HCN1: variants seen among roughly 807,000 people sequenced by gnomAD.
The protein encoded by HCN1 is hyperpolarization activated cyclic nucleotide gated potassium channel 1, also known as potassium/sodium hyperpolarization-activated cyclic nucleotide-gated channel 1.
A neutral mutation model predicts 78.9 loss-of-function variants in HCN1; 13 were observed. That is an observed-to-expected ratio of 0.16 (90% CI 0.11 to 0.26). The LOEUF is 0.26. Among genes scored for constraint, HCN1 ranks in the 10% least tolerant of loss-of-function variants. HCN1 has a pLI of 1.00. For synonymous variants in HCN1, 552 were observed against 455.5 expected (o/e 1.21, Z -2.70); for missense variants, 810 against 1,154.3 (o/e 0.70, Z 4.32).
At chr5:45,482,323 C>T (rs1741671635) in intron 2 of HCN1, among the ~76,000 whole-genome samples, 1 of 152,140 alleles carries the variant, frequency 6.6e-6, no homozygotes, top group Non-Finnish European at 1.5e-5. Context: ...ATCCACCTGT[C>T]CAATTCTTTC....
intron 1 of HCN1, among the ~76,000 whole-genome samples, chr5:45,659,508 G>A (rs1745871771): frequency 1.6e-5 from 2 of 122,134 alleles, no homozygotes; most frequent in South Asian, 2.7e-4. Flanking sequence ...ATTACTCTGA[G>A]CTACGGGAGG....
chr5:45,368,274 T>C (rs979957437), intron 4 of HCN1, among the ~76,000 whole-genome samples: 1 of 152,050 alleles, frequency 6.6e-6, no homozygotes, highest in African/African-American at 2.4e-5. Flanking sequence ...TGCTGAATGA[T>C]CTTAAGGAGA....
At chr5:45,418,403 TGA>T (rs1740161087) in intron 3 of HCN1, among the ~76,000 whole-genome samples, 1 of 149,676 alleles carries the variant, frequency 6.7e-6, no homozygotes. Flanking sequence ...TTAGCTCAGA[TGA>T]GCTCTGTGAT....
intron 1 of HCN1, among the ~76,000 whole-genome samples, chr5:45,661,292 C>T (rs1260673077): frequency 4.0e-5 from 5 of 124,818 alleles, no homozygotes; most frequent in African/African-American, 9.2e-5. Context: ...ATCTCTGGGA[C>T]GCATTCAAAG....
intron 2 of HCN1, among the ~76,000 whole-genome samples, chr5:45,475,641 C>A (rs968021501): frequency 6.6e-6 from 1 of 152,080 alleles, no homozygotes; most frequent in Non-Finnish European, 1.5e-5. Context: ...TGGGCTTTCA[C>A]CCAGCATTTA....
chr5:45,291,296 A>G (rs1323691156), intron 6 of HCN1, among the ~76,000 whole-genome samples: 1 of 151,968 alleles, frequency 6.6e-6, no homozygotes, highest in South Asian at 2.1e-4. Context: ...TTCTTGGTCT[A>G]TCACTAAGAT....
rs188586020 is a variant in HCN1, at chr5:45,267,085, G to C, written c.1783+4C>G. ...TATATAAAGAAGGTAGAAAACTAGA[G>C]TACCTATTCGATCTAGTCGGTCAAT... On this transcript the variant is annotated splice_donor_region_variant and intron_variant, in intron 7 of 7. Coordinates refer to ENST00000303230, the MANE Select transcript of HCN1 (RefSeq NM_021072.4). 6.2e-7 allele frequency: 1 copy of C among 1,606,664 alleles called. No homozygotes were observed. The highest frequency in any genetic ancestry group is 1.7e-5 in the Admixed American group (1 of 59,996).
At position 45,474,834 on chromosome 5, in the gene HCN1, C is replaced by T. The variant is rs138112617; in HGVS notation, c.850-12827G>A. Among the ~76,000 whole-genome samples, 237 of 151,920 alleles carry T rather than the reference C, an allele frequency of 1.6e-3. 1 individual carries two copies. Among genetic ancestry groups the T allele is most frequent in the Non-Finnish European group, 2.8e-3 (192 of 67,876 alleles). On this transcript the variant is annotated intron_variant, in intron 2 of 7. Coordinates refer to ENST00000303230, the MANE Select transcript of HCN1 (RefSeq NM_021072.4). ...CCTTAATGTCTTGGTATCTCAAGGA[C>T]TTTTAGCACATGTTATTTAGAACGA...
chr5:45,684,818 T>C (rs1291632453), intron 1 of HCN1, among the ~76,000 whole-genome samples: 2 of 152,186 alleles, frequency 1.3e-5, no homozygotes, highest in Non-Finnish European at 2.9e-5. Context: ...GCCGTGATCA[T>C]GCCACTGCAC....
intron 1 of HCN1, among the ~76,000 whole-genome samples, chr5:45,685,903 C>T (rs766714751): frequency 7.9e-5 from 12 of 152,018 alleles, no homozygotes; most frequent in South Asian, 2.1e-4. Context: ...ATTATGGAAA[C>T]GGTTAGAGTA....
intron 2 of HCN1, among the ~76,000 whole-genome samples, chr5:45,471,144 C>A (rs1345385605): frequency 6.6e-6 from 1 of 151,820 alleles, no homozygotes; most frequent in African/African-American, 2.4e-5. Flanking sequence ...TATCTTTCCC[C>A]AAACATAGGT....
At chr5:45,339,476 A>AT (rs1453915483) in intron 5 of HCN1, among the ~76,000 whole-genome samples, 1 of 152,168 alleles carries the variant, frequency 6.6e-6, no homozygotes, top group Non-Finnish European at 1.5e-5. Flanking sequence ...AATACTCTAT[A>AT]GATGAAGCAT....
chr5:45,601,318 A>G (rs935621711), intron 2 of HCN1, among the ~76,000 whole-genome samples: 3 of 152,122 alleles, frequency 2.0e-5, no homozygotes, highest in Admixed American at 6.6e-5. Context: ...AATAGATTCT[A>G]CTGAGGCTCA....
chr5:45,302,460 T>G (rs1745646270), intron 6 of HCN1, among the ~76,000 whole-genome samples: 1 of 152,016 alleles, frequency 6.6e-6, no homozygotes. Context: ...GAAAATGGAC[T>G]AATACACAAG....
Position 45,525,834 on chromosome 5 carries a change from T to A in HCN1, c.850-63827A>T, listed in dbSNP as rs921930986. Among the ~76,000 whole-genome samples, 3 of 152,154 alleles carry A rather than the reference T, an allele frequency of 2.0e-5. 1 individual carries two copies. In the South Asian group the frequency reaches 6.2e-4, roughly 32 times the overall value. ...TGCATGTTTATGTGCCTGAAATTCA[T>A]GTGTTGGGGCCCTAACACCCAATAC... On this transcript the variant is annotated intron_variant, in intron 2 of 7. Transcript: ENST00000303230.
chr5:45,320,309 T>G (rs1243295155), intron 5 of HCN1, among the ~76,000 whole-genome samples: 1 of 151,946 alleles, frequency 6.6e-6, no homozygotes, highest in Non-Finnish European at 1.5e-5. Flanking sequence ...ATCCCATTTT[T>G]TCTTTCCAAT....
chr5:45,412,650 A>T (rs1479225842), intron 3 of HCN1, among the ~76,000 whole-genome samples: 1 of 152,096 alleles, frequency 6.6e-6, no homozygotes, highest in African/African-American at 2.4e-5. Flanking sequence ...GAAGGCTGTT[A>T]TTTGAATGCG....
intron 3 of HCN1, among the ~76,000 whole-genome samples, chr5:45,419,006 C>T (rs573354696): frequency 8.5e-5 from 13 of 152,254 alleles, no homozygotes; most frequent in African/African-American, 2.6e-4. Flanking sequence ...TGCATTTGTG[C>T]CCGCTTTGTG....
intron 4 of HCN1, among the ~76,000 whole-genome samples, chr5:45,392,391 A>G (rs1739586492): frequency 6.6e-6 from 1 of 152,220 alleles, no homozygotes; most frequent in Non-Finnish European, 1.5e-5. Flanking sequence ...CATTTGCCTG[A>G]GCTAAATAGG....
Sources: allele counts gnomAD v4.1 joint callset (sites outside exome capture counted in the v4.1 genomes callset), GRCh38; gene constraint gnomAD v4.1.1; transcripts MANE v1.5; gene names NCBI Gene and HGNC (gene_info 2026-07-23, HGNC 2026-07-21).